PCYT2: variants seen among roughly 807,000 people sequenced by gnomAD.
The protein encoded by PCYT2 is phosphate cytidylyltransferase 2, ethanolamine, also known as ethanolamine-phosphate cytidylyltransferase.
In PCYT2, 33 loss-of-function variants were observed where a neutral mutation model predicts 50.0. That is an observed-to-expected ratio of 0.66 (90% CI 0.50 to 0.88). PCYT2 has a LOEUF of 0.88. PCYT2 is among the 40% of genes least tolerant of loss of function. The probability of loss-of-function intolerance (pLI) is 0.00; values close to 1 mark genes in which losing one functional copy is unlikely to be tolerated. For synonymous variants in PCYT2, 240 were observed against 203.7 expected (o/e 1.18, Z -1.52); for missense variants, 430 against 519.7 (o/e 0.83, Z 1.68).
chr17:81,905,427 G>T lies in PCYT2; in HGVS notation c.924C>A (p.Gly308=). The change falls in exon 11 of 13, where the codon GGC becomes GGA. Residue 308 remains glycine, a synonymous_variant. Transcript: ENST00000538936. ...SHFKVDLVCH[G]KTEIIPDRDG... is the part of the protein sequence containing the mutation. ...CCCTGTCAGGGATAATTTCTGTCTTGCCGTGACACACCAGGTCCACCTGGA... is the reference window on the plus strand; with the variant it reads ...CCCTGTCAGGGATAATTTCTGTCTTTCCGTGACACACCAGGTCCACCTGGA... 6.4e-7 allele frequency: 1 copy of T among 1,567,374 alleles called. No homozygotes were observed. The highest frequency in any genetic ancestry group is 1.9e-5 in the Admixed American group (1 of 53,474).
intron 9 of PCYT2, 104 bp from the exon 10 acceptor site, chr17:81,905,839 G>A: frequency 8.3e-7 from 1 of 1,205,288 alleles, no homozygotes; most frequent in East Asian, 2.3e-5. Context: ...GGGGCTGCCA[G>A]TGAGTAGCAG....
rs922635613 is a variant in PCYT2 at position 81,903,150 on chromosome 17, C to T, written c.*1683G>A. On this transcript the variant is annotated 3_prime_UTR_variant, in exon 13 of 13. Coordinates refer to ENST00000538936, the MANE Select transcript of PCYT2 (RefSeq NM_002861.5). ...CGGCTGGCCCGGTTCCCAGTGTCCT[C>T]CCCCAGCCCTTCGCTCCCCAACTCG... 1.7e-4 allele frequency: 37 copies of T among 214,670 alleles called. No individual in the cohort carries two copies. Among genetic ancestry groups the T allele is most frequent in the African/African-American group, 8.5e-4 (37 of 43,742 alleles). 13.3% of individuals were successfully genotyped at this position (214,670 alleles called of 1,614,324 possible). A position where few individuals can be genotyped will look rare whatever the true frequency, so the allele number is the denominator to read the frequency against.
intron 9 of PCYT2, 65 bp downstream of exon 9, chr17:81,906,035 C>T: frequency 1.4e-6 from 2 of 1,448,582 alleles, no homozygotes; most frequent in South Asian, 1.3e-5. Flanking sequence ...CAGGGAGGCC[C>T]TTAGTAGGGG....
chr17:81,911,219 G>A (rs949678470), intron 1 of PCYT2, 48 bp downstream of exon 1: 97 of 1,026,134 alleles, frequency 9.5e-5, no homozygotes, highest in Non-Finnish European at 1.0e-4. Context: ...CGCCCCGGAA[G>A]GAAGCCGGCC....
At position 81,903,075 on chromosome 17, in the gene PCYT2, C is replaced by G; in HGVS notation, c.*1758G>C. 2.9e-6 allele frequency: 1 copy of G among 342,752 alleles called. No individual in the cohort carries two copies. 21.2% of individuals were successfully genotyped at this position (342,752 alleles called of 1,614,324 possible). On this transcript the variant is annotated 3_prime_UTR_variant, in exon 13 of 13. Transcript: ENST00000538936. ...CGAAGCTGGCCACGACCCAGCCCCG[C>G]GGTGAAGCCGCGCCTAGCCTTGGTG...
rs552861283 is a variant in PCYT2 at position 81,901,841 on chromosome 17, A to T, written c.*2992T>A. On this transcript the variant is annotated 3_prime_UTR_variant, in exon 13 of 13. Transcript: ENST00000538936. Reference sequence around the variant, plus strand: ...ATGGACTCTGATGCCTGGAGCCAAGAATACCCCTTAGGGTGGTAGAAACCG... The same window carrying T: ...ATGGACTCTGATGCCTGGAGCCAAGTATACCCCTTAGGGTGGTAGAAACCG... The T allele has an allele frequency of 2.6e-5, 4 of 154,786 alleles. No homozygotes were observed. The East Asian group carries it at 7.5e-4, about 29-fold the overall frequency. 9.6% of individuals were successfully genotyped at this position (154,786 alleles called of 1,614,324 possible).
At position 81,904,864 on chromosome 17, in the gene PCYT2, T is replaced by G; in HGVS notation, c.1139A>C (p.Gln380Pro). ...FLEAARQQAA[Q>P]PLGERDGDF is the part of the protein sequence containing the mutation. ...GTCACCATCGCGCTCCCCCAGGGGC[T>G]GTGCCGCCTGCTGCCTGGCAGCCTC... The change falls in exon 13 of 13, where the codon CAG becomes CCG. Residue 380 changes from glutamine (Q) to proline (P), a missense_variant. This residue lies in a region of PCYT2 where 248 missense variants were observed against 300.2 expected (regional missense o/e 0.83). Transcript: ENST00000538936. The G allele has an allele frequency of 6.2e-7, 1 of 1,612,590 alleles. No homozygotes were observed.
intron 4 of PCYT2, among the ~76,000 whole-genome samples, chr17:81,908,282 G>A (rs1302569630): frequency 6.6e-6 from 1 of 152,244 alleles, no homozygotes; most frequent in African/African-American, 2.4e-5. Context: ...TATAGTGCCA[G>A]CTCCCCAGCA....
chr17:81,910,819 A>G (rs889588991), intron 1 of PCYT2: 44 of 903,588 alleles, frequency 4.9e-5, no homozygotes, highest in Middle Eastern at 4.6e-4. Flanking sequence ...GACCGATCGC[A>G]TTCTAGCCCC....
rs761755767 is a variant in PCYT2, at chr17:81,909,056, G to C, written c.179-19C>G. The C allele has an allele frequency of 6.2e-7, 1 of 1,606,136 alleles. No homozygotes were observed. The highest frequency in any genetic ancestry group is 1.3e-5 in the African/African-American group (1 of 74,728). ...ATCTCCTCTAGGAAAAGGACAACGG[G>C]GAGACTGGGGACCCCAGCCCACCCG... is the stretch of plus-strand genomic sequence containing the variant. On this transcript the variant is annotated intron_variant, in intron 2 of 12. Coordinates refer to ENST00000538936, the MANE Select transcript of PCYT2 (RefSeq NM_002861.5).
chr17:81,902,278 A>C lies in PCYT2; in HGVS notation c.*2555T>G. 2 of 1,303,874 alleles carry C rather than the reference A, an allele frequency of 1.5e-6. No individual in the cohort carries two copies. Among genetic ancestry groups the C allele is most frequent in the Non-Finnish European group, 1.9e-6 (2 of 1,033,424 alleles). 80.8% of individuals were successfully genotyped at this position (1,303,874 alleles called of 1,614,324 possible). ...CGCCCACCAGTCAGCCGGCGTCCCC[A>C]TGGCCCGGTCCGCGACACTGGCGGC... is the stretch of plus-strand genomic sequence containing the variant. On this transcript the variant is annotated 3_prime_UTR_variant, in exon 13 of 13. Transcript: ENST00000538936.
In PCYT2 at chr17:81,902,808, C is replaced by A; in HGVS notation, c.*2025G>T. Reference sequence around the variant, plus strand: ...CGCCCCCACCGTCCCACTCGGTGACCCCAGGCCCCTCCGGCGCGGGATGGC... The same window carrying A: ...CGCCCCCACCGTCCCACTCGGTGACACCAGGCCCCTCCGGCGCGGGATGGC... On this transcript the variant is annotated 3_prime_UTR_variant, in exon 13 of 13. Coordinates refer to ENST00000538936, the MANE Select transcript of PCYT2 (RefSeq NM_002861.5). 2 of 1,483,874 alleles carry A rather than the reference C, an allele frequency of 1.3e-6. No homozygotes were observed. The highest frequency in any genetic ancestry group is 1.8e-6 in the Non-Finnish European group (2 of 1,110,494). The allele number at this position is 1,483,874 out of a possible 1,614,324, so 91.9% of individuals were successfully genotyped here.
chr17:81,906,036 TTAG>T, intron 9 of PCYT2, 61 bp downstream of exon 9: 2 of 1,443,862 alleles, frequency 1.4e-6, no homozygotes, highest in Non-Finnish European at 1.9e-6. Flanking sequence ...AGGGAGGCCC[TTAG>T]TAGGGGGGAT....
Position 81,902,902 on chromosome 17 carries a change from C to T in PCYT2, c.*1931G>A, listed in dbSNP as rs2040019232. ...AACGAATAAATAAATGAGGCGGCCT[C>T]GGAGTGAGGGGTGCTGGAGGACTGG... On this transcript the variant is annotated 3_prime_UTR_variant, in exon 13 of 13. Coordinates refer to ENST00000538936, the MANE Select transcript of PCYT2 (RefSeq NM_002861.5). 4 of 657,070 alleles carry T rather than the reference C, an allele frequency of 6.1e-6. No individual in the cohort carries two copies. The highest frequency in any genetic ancestry group is 1.9e-5 in the African/African-American group (1 of 52,042). The allele number at this position is 657,070 out of a possible 1,614,324, so 40.7% of individuals were successfully genotyped here.
rs190899313 is a variant in PCYT2, at chr17:81,906,685, C to T, written c.676+75G>A. On this transcript the variant is annotated intron_variant, in intron 7 of 12. Transcript: ENST00000538936. ...ACCAGCCAGCCCAGTCTGGGGGCCCCAAGGAGTCAAGTGAGGCCCCCGGGT... is the reference window on the plus strand; with the variant it reads ...ACCAGCCAGCCCAGTCTGGGGGCCCTAAGGAGTCAAGTGAGGCCCCCGGGT... The T allele has an allele frequency of 2.5e-6, 4 of 1,597,620 alleles. No homozygotes were observed. The East Asian group carries it at 8.9e-5, about 36-fold the overall frequency.
rs2040367773 is a variant in PCYT2 at position 81,907,919 on chromosome 17, TACC to T, written c.408-65_408-63del. The T allele has an allele frequency of 4.4e-6, 6 of 1,367,208 alleles. No individual in the cohort carries two copies. In the South Asian group the frequency reaches 6.5e-5, roughly 15 times the overall value. 84.7% of individuals were successfully genotyped at this position (1,367,208 alleles called of 1,614,324 possible). A position where few individuals can be genotyped will look rare whatever the true frequency, so the allele number is the denominator to read the frequency against. On this transcript the variant is annotated intron_variant, in intron 4 of 12. Transcript: ENST00000538936. ...ACACTCGCAAGGCTCTGCCTCCTGC[TACC>T]ACCACTAGGGACACTAGCAGCCCTG... is the stretch of plus-strand genomic sequence containing the variant.
Position 81,903,094 on chromosome 17 carries a change from C to G in PCYT2, c.*1739G>C. Reference sequence around the variant, plus strand: ...GCCCCGCGGTGAAGCCGCGCCTAGCCTTGGTGCTCCCTGGGGGAAGTGCAG... The same window carrying G: ...GCCCCGCGGTGAAGCCGCGCCTAGCGTTGGTGCTCCCTGGGGGAAGTGCAG... On this transcript the variant is annotated 3_prime_UTR_variant, in exon 13 of 13. Transcript: ENST00000538936. 3.3e-6 allele frequency: 1 copy of G among 303,074 alleles called. No individual in the cohort carries two copies. 18.8% of individuals were successfully genotyped at this position (303,074 alleles called of 1,614,324 possible).
In PCYT2 at chr17:81,903,695, T is replaced by C. The variant is rs150568839; in HGVS notation, c.*1138A>G. ...AGGGTGACAGGCTGCCTTCCTGGGC[T>C]GTGGAGAGCCTCGCGTGCACCTCGC... is the stretch of plus-strand genomic sequence containing the variant. On this transcript the variant is annotated 3_prime_UTR_variant, in exon 13 of 13. Transcript: ENST00000538936. 1,836 of 152,410 alleles carry C rather than the reference T, an allele frequency of 0.012. 15 individuals are homozygous for C. The highest frequency in any genetic ancestry group is 0.021 in the Non-Finnish European group (1,454 of 68,120). The allele number at this position is 152,410 out of a possible 1,614,324, so 9.4% of individuals were successfully genotyped here.
Position 81,904,792 on chromosome 17 carries a change from G to C in PCYT2, c.*41C>G, listed in dbSNP as rs1416405976. 3.6e-6 allele frequency: 5 copies of C among 1,372,868 alleles called. No individual in the cohort carries two copies. Among genetic ancestry groups the C allele is most frequent in the Non-Finnish European group, 2.0e-6 (2 of 979,666 alleles). The allele number at this position is 1,372,868 out of a possible 1,614,324, so 85.0% of individuals were successfully genotyped here. On this transcript the variant is annotated 3_prime_UTR_variant, in exon 13 of 13. Transcript: ENST00000538936. Reference sequence around the variant, plus strand: ...CCTATGTCCAAACGCAGAAGGCGCAGAAGCAGAGCAGGGGGAGGGCCGGCC... The same window carrying C: ...CCTATGTCCAAACGCAGAAGGCGCACAAGCAGAGCAGGGGGAGGGCCGGCC...
Sources: allele counts gnomAD v4.1 joint callset (sites outside exome capture counted in the v4.1 genomes callset), GRCh38; gene constraint gnomAD v4.1.1; regional missense constraint gnomAD v4.1.1; transcripts MANE v1.5; gene names NCBI Gene and HGNC (gene_info 2026-07-23, HGNC 2026-07-21).